The following KCTD8 variants were observed in gnomAD, a reference collection of about 807,000 sequenced individuals.
The protein encoded by KCTD8 is BTB/POZ domain-containing protein KCTD8.
KCTD8 carries 27 observed loss-of-function variants against 31.5 expected under a neutral mutation model. The ratio of observed to expected loss-of-function variants is 0.86; its 90% CI spans 0.63 to 1.18. The LOEUF (loss-of-function observed/expected upper bound fraction) is 1.18. Ranked by LOEUF, KCTD8 falls within the 50% of genes most tolerant of loss-of-function variation. KCTD8 has a pLI of 0.00. For missense variants in KCTD8, 658 were observed against 647.7 expected (o/e 1.02, Z -0.17); for synonymous variants, 290 against 280.0 (o/e 1.04, Z -0.36).
chr4:44,335,622 G>A (rs555524896), intron 1 of KCTD8, among the ~76,000 whole-genome samples: 1 of 152,018 alleles, frequency 6.6e-6, no homozygotes, highest in Non-Finnish European at 1.5e-5. Context: ...CAAAATGACA[G>A]TTTTCTTTGA....
chr4:44,212,542 A>G (rs946100676), intron 1 of KCTD8, among the ~76,000 whole-genome samples: 10 of 152,200 alleles, frequency 6.6e-5, no homozygotes, highest in Non-Finnish European at 1.3e-4. Flanking sequence ...TTTTCAATCA[A>G]CATTTGGTTG....
chr4:44,361,139 G>C (rs74607054), intron 1 of KCTD8, among the ~76,000 whole-genome samples: 15,140 of 151,524 alleles, frequency 0.1, 840 homozygotes, highest in African/African-American at 0.14. Flanking sequence ...AATAACTCTC[G>C]GGTTCATTTA....
At chr4:44,356,808 C>T (rs539660182) in intron 1 of KCTD8, among the ~76,000 whole-genome samples, 2 of 152,268 alleles carry the variant, frequency 1.3e-5, no homozygotes, top group East Asian at 1.9e-4. Flanking sequence ...CAGTCCACTA[C>T]AATTTATGTC....
At chr4:44,178,065 G>A (rs908228464) in intron 1 of KCTD8, among the ~76,000 whole-genome samples, 19 of 152,166 alleles carry the variant, frequency 1.2e-4, no homozygotes, top group African/African-American at 4.6e-4. Context: ...GGGTCCTACT[G>A]ACTTGGATTA....
intron 1 of KCTD8, among the ~76,000 whole-genome samples, chr4:44,379,516 C>T (rs1326349025): frequency 4.6e-5 from 7 of 151,968 alleles, no homozygotes; most frequent in Non-Finnish European, 1.0e-4. Flanking sequence ...TTGTGCAAAT[C>T]ATGTGATTAG....
intron 1 of KCTD8, among the ~76,000 whole-genome samples, chr4:44,410,718 C>T (rs1287092986): frequency 6.6e-6 from 1 of 151,960 alleles, no homozygotes; most frequent in Non-Finnish European, 1.5e-5. Flanking sequence ...GAGGAAAACT[C>T]CCCCTTATAA....
chr4:44,347,285 C>T (rs1719059015), intron 1 of KCTD8, among the ~76,000 whole-genome samples: 1 of 152,190 alleles, frequency 6.6e-6, no homozygotes, highest in Non-Finnish European at 1.5e-5. Context: ...AGGTCCATGA[C>T]AATCATGGTT....
At chr4:44,185,164 C>T (rs1049037116) in intron 1 of KCTD8, among the ~76,000 whole-genome samples, 12 of 152,272 alleles carry the variant, frequency 7.9e-5, no homozygotes, top group African/African-American at 2.6e-4. Flanking sequence ...CAGTTATTTC[C>T]GTAAACCATG....
chr4:44,308,842 T>C (rs999770560), intron 1 of KCTD8, among the ~76,000 whole-genome samples: 9 of 152,134 alleles, frequency 5.9e-5, no homozygotes, highest in Non-Finnish European at 1.3e-4. Context: ...ATATATCTTT[T>C]ACAGTATAGT....
In KCTD8 at chr4:44,447,696, C is replaced by A; in HGVS notation, c.828G>T (p.Leu276Phe). The A allele has an allele frequency of 6.2e-7, 1 of 1,612,530 alleles. No individual in the cohort carries two copies. Among genetic ancestry groups the A allele is most frequent in the Middle Eastern group, 1.6e-4 (1 of 6,062 alleles). ...TSRFYLKFTYLEQAFDRLSEA... is the reference protein window; with the variant it reads ...TSRFYLKFTYFEQAFDRLSEA... ...CGGACAGGCGATCAAAGGCCTGCTCCAAGTAGGTGAACTTGAGGTAGAAGC... is the reference window on the plus strand; with the variant it reads ...CGGACAGGCGATCAAAGGCCTGCTCAAAGTAGGTGAACTTGAGGTAGAAGC... Residue 276 changes from leucine (L) to phenylalanine (F), a missense_variant, in exon 1 of 2, where the codon TTG becomes TTT. Coordinates refer to ENST00000360029, the MANE Select transcript of KCTD8 (RefSeq NM_198353.3).
chr4:44,267,709 G>T (rs912275457), intron 1 of KCTD8, among the ~76,000 whole-genome samples: 27 of 152,178 alleles, frequency 1.8e-4, no homozygotes, highest in Admixed American at 2.0e-4. Context: ...TGATAAAGGG[G>T]ATATCACCAC....
chr4:44,254,076 T>C (rs924522324), intron 1 of KCTD8, among the ~76,000 whole-genome samples: 1 of 151,882 alleles, frequency 6.6e-6, no homozygotes, highest in Admixed American at 6.6e-5. Flanking sequence ...ATAGAAGATA[T>C]ATTTATTGAA....
At chr4:44,289,379 T>C (rs1717201888) in intron 1 of KCTD8, among the ~76,000 whole-genome samples, 1 of 152,100 alleles carries the variant, frequency 6.6e-6, no homozygotes, top group African/African-American at 2.4e-5. Context: ...GTGACATATC[T>C]AGGGATAGAG....
chr4:44,183,850 G>A (rs896833681), intron 1 of KCTD8, among the ~76,000 whole-genome samples: 5 of 152,148 alleles, frequency 3.3e-5, no homozygotes, highest in African/African-American at 1.2e-4. Flanking sequence ...ATTCCTAGAA[G>A]GGAAATTATC....
chr4:44,175,786 T>C (rs974419932), intron 1 of KCTD8, among the ~76,000 whole-genome samples: 2 of 152,182 alleles, frequency 1.3e-5, no homozygotes, highest in Non-Finnish European at 2.9e-5. Context: ...AAGGGGAGGC[T>C]GGTTTAAATC....
At chr4:44,382,730 C>CAAA (rs34629884) in intron 1 of KCTD8, among the ~76,000 whole-genome samples, 15 of 138,518 alleles carry the variant, frequency 1.1e-4, no homozygotes, top group South Asian at 9.0e-4. Context: ...AACTCCATTT[C>CAAA]AAAAAAAAAA....
chr4:44,243,903 G>C (rs76510122), intron 1 of KCTD8, among the ~76,000 whole-genome samples: 3,281 of 152,226 alleles, frequency 0.022, 53 homozygotes, highest in Non-Finnish European at 0.035. Context: ...ACAATCTTCT[G>C]TGCCACAGCT....
At chr4:44,182,792 AAAAT>A (rs1030413567) in intron 1 of KCTD8, among the ~76,000 whole-genome samples, 2 of 152,162 alleles carry the variant, frequency 1.3e-5, no homozygotes, top group African/African-American at 4.8e-5. Flanking sequence ...AATAAAATAA[AAAAT>A]AAATAAATAA....
At chr4:44,385,394 C>A (rs1248115954) in intron 1 of KCTD8, among the ~76,000 whole-genome samples, 1 of 151,616 alleles carries the variant, frequency 6.6e-6, no homozygotes, top group East Asian at 1.9e-4. Flanking sequence ...TAGAAATAAA[C>A]CCTTACTTAT....
Sources: gnomAD v4.1 joint callset for allele counts (sites outside exome capture counted in the v4.1 genomes callset) on GRCh38, gnomAD v4.1.1 for gene constraint, MANE v1.5 for transcripts, NCBI Gene and HGNC (gene_info 2026-07-23, HGNC 2026-07-21) for gene names.